Variants in IGSF10 observed in about 807,000 individuals in gnomAD.
IGSF10 encodes the protein calvaria mechanical force protein 608.
In IGSF10, 126 loss-of-function variants were observed where a neutral mutation model predicts 128.2. The observed-to-expected ratio is 0.98, with a 90% CI of 0.85 to 1.14. The LOEUF (loss-of-function observed/expected upper bound fraction) is 1.14. Among genes scored for constraint, IGSF10 ranks in the 50% most tolerant of loss-of-function variants. IGSF10 has a pLI of 0.00. For synonymous variants in IGSF10, 1,185 were observed against 1,146.2 expected (o/e 1.03, Z -0.68); for missense variants, 3,295 against 3,149.8 (o/e 1.05, Z -1.10).
At chr3:151,514,853 A>C in the IGSF10 span, among the ~76,000 whole-genome samples, 3 of 152,352 alleles carry the variant, frequency 2.0e-5, no homozygotes, top group East Asian at 3.9e-4. Context: ...TGCAGCCAAA[A>C]AACACGTGAA....
the IGSF10 span, among the ~76,000 whole-genome samples, chr3:151,519,076 C>T: frequency 0.021 from 3,126 of 151,982 alleles, 108 homozygotes; most frequent in African/African-American, 0.071. Flanking sequence ...TGGGAGATCA[C>T]AGAATATGTA....
intron 6 of IGSF10, among the ~76,000 whole-genome samples, chr3:151,444,466 C>T (rs150165769): frequency 0.03 from 4,524 of 152,194 alleles, 230 homozygotes; most frequent in African/African-American, 0.1. Context: ...CACCACCACA[C>T]CCGGCTAATT....
chr3:151,501,832 T>C, the IGSF10 span, among the ~76,000 whole-genome samples: 2 of 152,080 alleles, frequency 1.3e-5, no homozygotes, highest in African/African-American at 2.4e-5. Flanking sequence ...TTATACAATA[T>C]CAACATTGTT....
chr3:151,509,060 G>A, the IGSF10 span, among the ~76,000 whole-genome samples: 1 of 152,032 alleles, frequency 6.6e-6, no homozygotes, highest in Non-Finnish European at 1.5e-5. Context: ...CTAGAATAAG[G>A]TATCTTTAAG....
At chr3:151,542,120 G>A in the IGSF10 span, among the ~76,000 whole-genome samples, 1 of 151,880 alleles carries the variant, frequency 6.6e-6, no homozygotes, top group Non-Finnish European at 1.5e-5. Flanking sequence ...TGACTTTCAG[G>A]TACTCCAGGT....
the IGSF10 span, among the ~76,000 whole-genome samples, chr3:151,516,965 T>C: frequency 6.6e-6 from 1 of 151,168 alleles, no homozygotes; most frequent in East Asian, 2.0e-4. Flanking sequence ...ACCAATTGTA[T>C]TTGGGATGTC....
the IGSF10 span, among the ~76,000 whole-genome samples, chr3:151,559,639 G>T: frequency 2.0e-5 from 3 of 152,060 alleles, no homozygotes; most frequent in Non-Finnish European, 2.9e-5. Context: ...TCAAATAAAA[G>T]AATTTTCTGA....
At chr3:151,496,641 A>G in the IGSF10 span, among the ~76,000 whole-genome samples, 5 of 148,056 alleles carry the variant, frequency 3.4e-5, no homozygotes, top group Non-Finnish European at 7.4e-5. Flanking sequence ...ATAAACATAC[A>G]TGTGCATGTG....
chr3:151,439,194 T>G (rs543500410), intron 7 of IGSF10, among the ~76,000 whole-genome samples: 3 of 152,338 alleles, frequency 2.0e-5, no homozygotes, highest in African/African-American at 7.2e-5. Flanking sequence ...AGTAAACTAA[T>G]TGGATCCACA....
At chr3:151,532,672 G>A in the IGSF10 span, among the ~76,000 whole-genome samples, 1 of 152,068 alleles carries the variant, frequency 6.6e-6, no homozygotes, top group East Asian at 1.9e-4. Flanking sequence ...TTGATGGAAT[G>A]TATCTCAAAA....
At chr3:151,557,655 T>C in the IGSF10 span, among the ~76,000 whole-genome samples, 3 of 151,970 alleles carry the variant, frequency 2.0e-5, no homozygotes, top group African/African-American at 7.2e-5. Context: ...GCTTTAAGGA[T>C]TCCATTAGTA....
chr3:151,523,232 C>T, the IGSF10 span, among the ~76,000 whole-genome samples: 1 of 152,100 alleles, frequency 6.6e-6, no homozygotes, highest in Non-Finnish European at 1.5e-5. Flanking sequence ...ATTAAAATGG[C>T]CATACTGCCC....
In IGSF10 at chr3:151,448,829, A is replaced by G; in HGVS notation, c.1152T>C (p.Ser384=). 1 of 1,613,626 alleles carries G rather than the reference A, an allele frequency of 6.2e-7. No homozygotes were observed. Among genetic ancestry groups the G allele is most frequent in the South Asian group, 1.1e-5 (1 of 91,078 alleles). ...VWQILALYSD[S]PLILERSHLL... is the part of the protein sequence containing the mutation. The stretch of plus-strand genomic sequence containing the variant: ...AGTGGCTCCTTTCTAGTATCAGAGG[A>G]GAATCACTGTACAAAGCCAAAATTT... Residue 384 remains serine, a synonymous_variant, in exon 6 of 8, where the codon TCT becomes TCC. Transcript: ENST00000282466.
rs1316215309 is a variant in IGSF10, at chr3:151,457,131, C to T, written c.219G>A (p.Met73Ile). 3 of 1,614,146 alleles carry T rather than the reference C, an allele frequency of 1.9e-6. No individual in the cohort carries two copies. The highest frequency in any genetic ancestry group is 1.7e-5 in the Admixed American group (1 of 60,024). ...TGGTCAGGCCAGAAAAATCTGTTTC[C>T]ATCAATCTAACCAAGCTGTTGTATC... ...NLGYNSLVRL[M>I]ETDFSGLTKL... is the part of the protein sequence containing the mutation. The change falls in exon 4 of 8, where the codon ATG (methionine) becomes ATA (isoleucine). Residue 73 changes from methionine to isoleucine, a missense_variant. By Grantham distance (10) the Met-to-Ile change is conservative (BLOSUM62 1). Transcript: ENST00000282466.
the IGSF10 span, among the ~76,000 whole-genome samples, chr3:151,591,108 C>T: frequency 6.6e-6 from 1 of 152,072 alleles, no homozygotes; most frequent in Non-Finnish European, 1.5e-5. Flanking sequence ...GATGGGAAAA[C>T]ATGATGCAAA....
the IGSF10 span, among the ~76,000 whole-genome samples, chr3:151,534,953 T>C: frequency 6.6e-6 from 1 of 152,060 alleles, no homozygotes; most frequent in Non-Finnish European, 1.5e-5. Flanking sequence ...TACACGAACT[T>C]TGGAGTCAGA....
chr3:151,454,185 T>A (rs1464254138), intron 4 of IGSF10, among the ~76,000 whole-genome samples: 1 of 151,962 alleles, frequency 6.6e-6, no homozygotes. Context: ...GCCCAGCTAA[T>A]TTTTGTAGTT....
At chr3:151,505,677 C>T in the IGSF10 span, among the ~76,000 whole-genome samples, 3 of 152,302 alleles carry the variant, frequency 2.0e-5, no homozygotes, top group East Asian at 3.9e-4. Flanking sequence ...AACAACACTG[C>T]ACTGAATTGC....
At chr3:151,539,765 C>CATCTATCTATCT in the IGSF10 span, among the ~76,000 whole-genome samples, 688 of 146,592 alleles carry the variant, frequency 4.7e-3, 1 homozygote, top group East Asian at 6.5e-3. Flanking sequence ...ATTTCAACAG[C>CATCTATCTATCT]ATCTATCTAT....
Sources: gnomAD v4.1 joint callset for allele counts (sites outside exome capture counted in the v4.1 genomes callset) on GRCh38, gnomAD v4.1.1 for gene constraint, MANE v1.5 for transcripts, NCBI Gene and HGNC (gene_info 2026-07-23, HGNC 2026-07-21) for gene names.